The following ABLIM2 variants were observed in gnomAD, a reference collection of about 807,000 sequenced individuals.
The protein encoded by ABLIM2 is actin-binding LIM protein 2.
Under a neutral mutation model 97.7 loss-of-function variants are expected in ABLIM2, and 53 were observed. The ratio of observed to expected loss-of-function variants is 0.54; its 90% CI spans 0.44 to 0.68. ABLIM2 has a LOEUF of 0.68. Among genes scored for constraint, ABLIM2 ranks in the 30% least tolerant of loss-of-function variants. ABLIM2 has a pLI of 0.00. For synonymous variants in ABLIM2, 361 were observed against 345.8 expected (o/e 1.04, Z -0.49); for missense variants, 835 against 867.2 (o/e 0.96, Z 0.47).
In ABLIM2 at chr4:8,002,034, C is replaced by G. The variant is rs1166208176; in HGVS notation, c.1618+6025G>C. ...CTGGGGGCCAGGCAGGAGATCACAC[C>G]TGATTTGAGTCTCAGACCCTCTTGA... On this transcript the variant is annotated intron_variant, in intron 16 of 20. Coordinates refer to ENST00000447017, the MANE Select transcript of ABLIM2 (RefSeq NM_001130083.2). The surrounding 1 kb of genome is among the most constrained non-coding windows in gnomAD (Gnocchi z 6.1). Among the ~76,000 whole-genome samples, 13 of 152,182 alleles carry G rather than the reference C, an allele frequency of 8.5e-5. No homozygotes were observed. Among genetic ancestry groups the G allele is most frequent in the Admixed American group, 7.9e-4 (12 of 15,278 alleles).
At position 8,067,881 on chromosome 4, in the gene ABLIM2, A is replaced by T. The variant is rs1188604817; in HGVS notation, c.676-6827T>A. ...CTCCCTCTCAGGCTGGGGTAGTATAACCGGGCTCTGTGATTCCAGAGGACA... is the reference window on the plus strand; with the variant it reads ...CTCCCTCTCAGGCTGGGGTAGTATATCCGGGCTCTGTGATTCCAGAGGACA... On this transcript the variant is annotated intron_variant, in intron 6 of 20. Transcript: ENST00000447017. The surrounding 1 kb of genome is among the most constrained non-coding windows in gnomAD (Gnocchi z 5.4). Among the ~76,000 whole-genome samples the T allele has an allele frequency of 6.6e-6, 1 of 152,160 alleles. No homozygotes were observed. The highest frequency in any genetic ancestry group is 1.5e-5 in the Non-Finnish European group (1 of 68,020).
rs916071198 is a variant in ABLIM2 at position 8,125,605 on chromosome 4, T to C, written c.11-18968A>G. 3.9e-5 allele frequency among the ~76,000 whole-genome samples: 6 copies of C among 152,202 alleles called. No individual in the cohort carries two copies. Among genetic ancestry groups the C allele is most frequent in the Admixed American group, 1.3e-4 (2 of 15,282 alleles). ...TTGCATGGGGCCTCGGTGCCGGGGC[T>C]GCTTCTGGGATGGTCGTGGTTGGCT... On this transcript the variant is annotated intron_variant, in intron 1 of 20. Transcript: ENST00000447017. The surrounding 1 kb of genome is among the most constrained non-coding windows in gnomAD (Gnocchi z 6.2).
At chr4:8,007,701 C>T in intron 16 of ABLIM2, 11 of 1,044,434 alleles carry the variant, frequency 1.1e-5, no homozygotes, top group Non-Finnish European at 1.3e-5. Flanking sequence ...CGGACCATGC[C>T]CATGTCTGCT....
intron 1 of ABLIM2, among the ~76,000 whole-genome samples, chr4:8,141,917 A>G (rs762267844): frequency 1.3e-5 from 2 of 152,244 alleles, no homozygotes; most frequent in Non-Finnish European, 2.9e-5. Flanking sequence ...TGGATCTGAG[A>G]AGAGGGGGAG....
At position 8,075,571 on chromosome 4, in the gene ABLIM2, T is replaced by C. The variant is rs897172251; in HGVS notation, c.675+2057A>G. 6.6e-6 allele frequency among the ~76,000 whole-genome samples: 1 copy of C among 151,972 alleles called. No individual in the cohort carries two copies. Among genetic ancestry groups the C allele is most frequent in the Non-Finnish European group, 1.5e-5 (1 of 68,004 alleles). ...AGCCAGGTGTGGTGGCGCACACCTG[T>C]AGTCCCAGCTGGTCGGGAGGCTGAG... On this transcript the variant is annotated intron_variant, in intron 6 of 20. Coordinates refer to ENST00000447017, the MANE Select transcript of ABLIM2 (RefSeq NM_001130083.2). The surrounding 1 kb of genome is among the most constrained non-coding windows in gnomAD (Gnocchi z 4.4).
chr4:8,080,430 G>C (rs576203757), intron 5 of ABLIM2, among the ~76,000 whole-genome samples: 2 of 152,198 alleles, frequency 1.3e-5, no homozygotes, highest in African/African-American at 4.8e-5. Flanking sequence ...CCAAAAAAAG[G>C]AGCCGGATGC....
At chr4:8,100,687 G>A (rs1018513188) in intron 2 of ABLIM2, among the ~76,000 whole-genome samples, 3 of 150,302 alleles carry the variant, frequency 2.0e-5, no homozygotes, top group African/African-American at 7.4e-5. Context: ...CGGAGATTGC[G>A]GTGAGCCAAG....
intron 10 of ABLIM2, 118 bp from the exon 11 acceptor site, chr4:8,029,894 A>C: frequency 2.2e-6 from 3 of 1,342,238 alleles, no homozygotes; most frequent in East Asian, 2.6e-5. Context: ...ATGACTCAAC[A>C]TGGCCCCATG....
chr4:8,020,086 C>G (rs1012766863), intron 13 of ABLIM2, 116 bp downstream of exon 13: 6 of 890,008 alleles, frequency 6.7e-6, no homozygotes, highest in Middle Eastern at 3.5e-4. Flanking sequence ...AGTGGAGGAG[C>G]CTGGAGTGTC....
intron 9 of ABLIM2, among the ~76,000 whole-genome samples, chr4:8,041,592 C>A (rs1788582196): frequency 6.7e-6 from 1 of 150,370 alleles, no homozygotes; most frequent in Non-Finnish European, 1.5e-5. Context: ...TTGCAAATGC[C>A]AGTTTGTTTA....
intron 1 of ABLIM2, among the ~76,000 whole-genome samples, chr4:8,107,495 G>A (rs967406600): frequency 6.6e-6 from 1 of 152,236 alleles, no homozygotes; most frequent in East Asian, 1.9e-4. Context: ...GTAGATGGAG[G>A]TGCAGGATCT....
At chr4:8,146,838 T>C (rs1851879267) in intron 1 of ABLIM2, among the ~76,000 whole-genome samples, 2 of 98,316 alleles carry the variant, frequency 2.0e-5, no homozygotes, top group Non-Finnish European at 5.0e-5. Context: ...TCAACAAATG[T>C]TTTTTTAAAT....
Position 7,966,281 on chromosome 4 carries a change from G to C in ABLIM2, c.*709C>G, listed in dbSNP as rs960471664. ...AATTAAACTCTATATATGTCATCTC[G>C]CGTTTAAGTAGGCTATACTTTTTAA... On this transcript the variant is annotated 3_prime_UTR_variant, in exon 21 of 21. Transcript: ENST00000447017. 1 of 152,590 alleles carries C rather than the reference G, an allele frequency of 6.6e-6. No individual in the cohort carries two copies. The highest frequency in any genetic ancestry group is 1.5e-5 in the Non-Finnish European group (1 of 68,044). The allele number at this position is 152,590 out of a possible 1,614,324, so 9.5% of individuals were successfully genotyped here. A position where few individuals can be genotyped will look rare whatever the true frequency, so the allele number is the denominator to read the frequency against.
chr4:8,017,488 G>A (rs1475631374), intron 14 of ABLIM2, among the ~76,000 whole-genome samples: 5 of 151,730 alleles, frequency 3.3e-5, no homozygotes, highest in African/African-American at 1.2e-4. Flanking sequence ...GGGTTTCACT[G>A]TGTTGCCCAG....
At position 8,140,948 on chromosome 4, in the gene ABLIM2, T is replaced by C. The variant is rs1425110631; in HGVS notation, c.10+17732A>G. ...ACTCCTTACTCATTAAAATCCACGG[T>C]AAAGCCTGCAGCTGTGGGCTGGTCT... On this transcript the variant is annotated intron_variant, in intron 1 of 20. Transcript: ENST00000447017. The surrounding 1 kb of genome is among the most constrained non-coding windows in gnomAD (Gnocchi z 5.9). 6.6e-6 allele frequency among the ~76,000 whole-genome samples: 1 copy of C among 152,088 alleles called. No individual in the cohort carries two copies. The highest frequency in any genetic ancestry group is 1.5e-5 in the Non-Finnish European group (1 of 68,014).
chr4:8,029,860 T>C, intron 10 of ABLIM2, 84 bp from the exon 11 acceptor site: 1 of 1,500,460 alleles, frequency 6.7e-7, no homozygotes, highest in Non-Finnish European at 9.0e-7. Context: ...CACCATTTGG[T>C]GTTTGCCCTC....
rs2152468769 is a variant in ABLIM2, at chr4:8,083,439, G to A, written c.455-2637C>T. ...TGCTCCCTCTGTGATGCCTTTATGG[G>A]CATCTCCGCCACTCTGCCTCCTACC... On this transcript the variant is annotated intron_variant, in intron 4 of 20. Transcript: ENST00000447017. The surrounding 1 kb of genome is among the most constrained non-coding windows in gnomAD (Gnocchi z 4.6). 6.6e-6 allele frequency among the ~76,000 whole-genome samples: 1 copy of A among 152,278 alleles called. No individual in the cohort carries two copies. Among genetic ancestry groups the A allele is most frequent in the Non-Finnish European group, 1.5e-5 (1 of 68,020 alleles).
Position 8,063,161 on chromosome 4 carries a change from G to A in ABLIM2, c.676-2107C>T, listed in dbSNP as rs1580239766. On this transcript the variant is annotated intron_variant, in intron 6 of 20. Coordinates refer to ENST00000447017, the MANE Select transcript of ABLIM2 (RefSeq NM_001130083.2). ...GCTCACTGCAACCTCTGCCTCCCGG[G>A]TTCAAGTGATTCTCCTGCCTCAGCC... 2.6e-5 allele frequency among the ~76,000 whole-genome samples: 4 copies of A among 152,282 alleles called. 1 individual carries two copies. The South Asian group carries it at 6.2e-4, about 24-fold the overall frequency.
In ABLIM2 at chr4:8,004,932, C is replaced by T. The variant is rs928439125; in HGVS notation, c.1618+3127G>A. Among the ~76,000 whole-genome samples, 4 of 152,192 alleles carry T rather than the reference C, an allele frequency of 2.6e-5. No individual in the cohort carries two copies. The highest frequency in any genetic ancestry group is 5.9e-5 in the Non-Finnish European group (4 of 68,024). On this transcript the variant is annotated intron_variant, in intron 16 of 20. Transcript: ENST00000447017. This position sits in a 1 kb window ranked among gnomAD's most constrained non-coding sequence, Gnocchi z 5.9. The stretch of plus-strand genomic sequence containing the variant: ...GAACTAATGGAATGGGGATGGCTCC[C>T]GGGTTTGTCACCGCCATAAAGTCCT...
Sources: allele counts gnomAD v4.1 joint callset (sites outside exome capture counted in the v4.1 genomes callset), GRCh38; gene constraint gnomAD v4.1.1; non-coding constraint Gnocchi (gnomAD v3.1); transcripts MANE v1.5; gene names NCBI Gene and HGNC (gene_info 2026-07-23, HGNC 2026-07-21).